Variants in REXO1 observed in about 807,000 individuals in gnomAD.
REXO1 encodes REX1, RNA exonuclease 1 homolog.
REXO1 carries 42 observed loss-of-function variants against 102.6 expected under a neutral mutation model. The ratio of observed to expected loss-of-function variants is 0.41; its 90% CI spans 0.32 to 0.53. The LOEUF (loss-of-function observed/expected upper bound fraction) is 0.53. Among genes scored for constraint, REXO1 ranks in the 20% least tolerant of loss-of-function variants. REXO1 has a pLI of 0.27. For synonymous variants in REXO1, 908 were observed against 779.1 expected, an observed-to-expected ratio of 1.17 and a Z score of -2.76; for missense variants, 1,819 against 1,732.5, an observed-to-expected ratio of 1.05 and a Z score of -0.89.
In REXO1 at chr19:1,840,858, C is replaced by A. The variant is rs564952276; in HGVS notation, c.157+7344G>T. 1.3e-3 allele frequency among the ~76,000 whole-genome samples: 194 copies of A among 152,290 alleles called. 1 individual carries two copies. Among genetic ancestry groups the A allele is most frequent in the African/African-American group, 4.0e-3 (166 of 41,560 alleles). On this transcript the variant is annotated intron_variant, in intron 1 of 15. Transcript: ENST00000170168. ...GCACCAGGACCAGCTCCTGGCTTTA[C>A]AGAGAACACTGAAGTCCTGTGGTGT... is the stretch of plus-strand genomic sequence containing the variant.
rs778404656 is a variant in REXO1, at chr19:1,817,265, A to C, written c.3155T>G (p.Leu1052Arg). Reference sequence around the variant, plus strand: ...GATCCCCGGGTGGGTGTCTCCTGAGAGCTCTTTCTCAAAGGTCTTCACGAA... The same window carrying C: ...GATCCCCGGGTGGGTGTCTCCTGAGCGCTCTTTCTCAAAGGTCTTCACGAA... ...EGFVKTFEKE[L>R]SGDTHPGIYA... The change falls in exon 12 of 16, where the codon CTC becomes CGC. Residue 1052 changes from leucine (L) to arginine (R), a missense_variant. Transcript: ENST00000170168. 6.2e-7 allele frequency: 1 copy of C among 1,613,108 alleles called. No homozygotes were observed. Among genetic ancestry groups the C allele is most frequent in the Non-Finnish European group, 8.5e-7 (1 of 1,180,000 alleles).
At chr19:1,833,913 C>T (rs2011145127) in intron 1 of REXO1, among the ~76,000 whole-genome samples, 1 of 152,190 alleles carries the variant, frequency 6.6e-6, no homozygotes, top group Non-Finnish European at 1.5e-5. Flanking sequence ...ACACTGGTCT[C>T]CCCTCCCAAG....
In REXO1 at chr19:1,815,492, GCA is replaced by G. The variant is rs1158650804; in HGVS notation, c.*572_*573del. On this transcript the variant is annotated 3_prime_UTR_variant, in exon 16 of 16. Transcript: ENST00000170168. The surrounding 1 kb of genome is among the most constrained non-coding windows in gnomAD (Gnocchi z 4.0). Reference sequence around the variant, plus strand: ...CCCCGAAGACCGGCCAGCCCCTGGAGCACAGAGGCGGGTCCAGCCCACACTGC... The same window carrying G: ...CCCCGAAGACCGGCCAGCCCCTGGAGCAGAGGCGGGTCCAGCCCACACTGC... 1 of 199,124 alleles carries G rather than the reference GCA, an allele frequency of 5.0e-6. No individual in the cohort carries two copies. Among genetic ancestry groups the G allele is most frequent in the Non-Finnish European group, 9.6e-6 (1 of 104,184 alleles). The allele number at this position is 199,124 out of a possible 1,614,324, so 12.3% of individuals were successfully genotyped here.
chr19:1,817,637 C>T, intron 11 of REXO1, 70 bp downstream of exon 11: 4 of 1,519,740 alleles, frequency 2.6e-6, no homozygotes, highest in Admixed American at 1.9e-5. Context: ...GTCCCGAGAC[C>T]CCACACCAAC....
At chr19:1,843,937 G>A (rs192245641) in intron 1 of REXO1, among the ~76,000 whole-genome samples, 10 of 152,358 alleles carry the variant, frequency 6.6e-5, no homozygotes, top group African/African-American at 2.2e-4. Context: ...GCAGCGAGGC[G>A]CCATTCTTGG....
intron 1 of REXO1, among the ~76,000 whole-genome samples, chr19:1,842,751 C>T (rs1004035756): frequency 6.6e-5 from 10 of 152,242 alleles, no homozygotes; most frequent in South Asian, 2.1e-4. Flanking sequence ...GCCCGGCAAG[C>T]GGCCTGGTGC....
chr19:1,818,962 C>T, intron 8 of REXO1, 56 bp downstream of exon 8: 1 of 1,570,454 alleles, frequency 6.4e-7, no homozygotes, highest in Non-Finnish European at 8.7e-7. Context: ...ACAGCAGGGG[C>T]TGGGCCGGCA....
At position 1,832,074 on chromosome 19, in the gene REXO1, G is replaced by A. The variant is rs147433236; in HGVS notation, c.158-3443C>T. 4.8e-3 allele frequency among the ~76,000 whole-genome samples: 725 copies of A among 152,194 alleles called. 3 individuals carry two copies. The highest frequency in any genetic ancestry group is 5.8e-3 in the Non-Finnish European group (395 of 67,998). On this transcript the variant is annotated intron_variant, in intron 1 of 15. Transcript: ENST00000170168. ...GGTGGGTGAACATCTTGCATTATCC[G>A]GGAACCCAGTGTCCTCACAGGGTCC...
intron 1 of REXO1, among the ~76,000 whole-genome samples, chr19:1,846,690 G>T (rs907668227): frequency 1.1e-4 from 17 of 152,142 alleles, no homozygotes; most frequent in African/African-American, 4.1e-4. Flanking sequence ...GGAGTTTTGA[G>T]ACAAGCCTGG....
chr19:1,826,085 T>C lies in REXO1; in HGVS notation c.1912-142A>G, dbSNP rs2069711036. On this transcript the variant is annotated intron_variant, in intron 2 of 15. Coordinates refer to ENST00000170168, the MANE Select transcript of REXO1 (RefSeq NM_020695.4). The surrounding 1 kb of genome is among the most constrained non-coding windows in gnomAD (Gnocchi z 4.3). Reference sequence around the variant, plus strand: ...GCAGCTGAGGGCTCAGGGCCAACAGTCCCTGGGCTTTGTGTGGGTGCAGTC... The same window carrying C: ...GCAGCTGAGGGCTCAGGGCCAACAGCCCCTGGGCTTTGTGTGGGTGCAGTC... The C allele has an allele frequency of 1.6e-6, 1 of 629,572 alleles. No homozygotes were observed. Among genetic ancestry groups the C allele is most frequent in the Non-Finnish European group, 2.9e-6 (1 of 346,106 alleles). The allele number at this position is 629,572 out of a possible 1,614,324, so 39.0% of individuals were successfully genotyped here.
At chr19:1,843,260 G>T (rs1011313633) in intron 1 of REXO1, among the ~76,000 whole-genome samples, 4 of 149,840 alleles carry the variant, frequency 2.7e-5, no homozygotes, top group Non-Finnish European at 5.9e-5. Flanking sequence ...TCAACCCCCC[G>T]CCCGGAGGGT....
At chr19:1,836,878 C>T (rs955232623) in intron 1 of REXO1, among the ~76,000 whole-genome samples, 4 of 152,186 alleles carry the variant, frequency 2.6e-5, no homozygotes, top group East Asian at 1.9e-4. Flanking sequence ...CAGTGGGCCC[C>T]GCATGCTGGC....
At chr19:1,825,972 G>T (rs371656369) in intron 2 of REXO1, 29 bp from the exon 3 acceptor site, 36 of 1,544,460 alleles carry the variant, frequency 2.3e-5, no homozygotes, top group African/African-American at 4.1e-5. Flanking sequence ...CGTCAGCACA[G>T]GTCTGCCCTC....
intron 10 of REXO1, 42 bp from the exon 11 acceptor site, chr19:1,817,822 C>T: frequency 6.5e-7 from 1 of 1,546,188 alleles, no homozygotes; most frequent in Non-Finnish European, 8.9e-7. Context: ...CGGCCAGGCC[C>T]ACTCCACAGC....
In REXO1 at chr19:1,827,181, C is replaced by T. The variant is rs761693792; in HGVS notation, c.1608G>A (p.Pro536=). The T allele has an allele frequency of 1.2e-5, 18 of 1,540,954 alleles. No individual in the cohort carries two copies. The highest frequency in any genetic ancestry group is 1.7e-4 in the Middle Eastern group (1 of 6,004). Residue 536 remains proline, a synonymous_variant, in exon 2 of 16, where the codon CCG becomes CCA. Coordinates refer to ENST00000170168, the MANE Select transcript of REXO1 (RefSeq NM_020695.4). ...TGGGGAGGGCAGAGGGCCACACGCT[C>T]GGCACCCCTGGCCCTGCGGCCTCGT... is the stretch of plus-strand genomic sequence containing the variant. ...SEDEAAGPGV[P]SVWPSALPSL...
chr19:1,818,308 G>A (rs184256263), intron 10 of REXO1, among the ~76,000 whole-genome samples, 174 bp downstream of exon 10: 5 of 152,350 alleles, frequency 3.3e-5, no homozygotes, highest in South Asian at 2.1e-4. Flanking sequence ...AACAGGTGGA[G>A]AGAAAATGAG....
At chr19:1,832,103 A>G (rs1232601774) in intron 1 of REXO1, among the ~76,000 whole-genome samples, 1 of 152,152 alleles carries the variant, frequency 6.6e-6, no homozygotes, top group Non-Finnish European at 1.5e-5. Flanking sequence ...AGGGTCCTTT[A>G]AAGAGGGAGG....
In REXO1 at chr19:1,823,655, G is replaced by A; in HGVS notation, c.2147C>T (p.Ala716Val). ...ASLLQAPARL[A>V]EKSPSVHISA... Reference sequence around the variant, plus strand: ...AATGTGGACGGAGGGCGACTTCTCTGCCAGCCTGGCGGGGGCCTGCAGCAA... The same window carrying A: ...AATGTGGACGGAGGGCGACTTCTCTACCAGCCTGGCGGGGGCCTGCAGCAA... Residue 716 changes from alanine to valine, a missense_variant, in exon 4 of 16, where the codon GCA (alanine) becomes GTA (valine). Physicochemically the swap from Ala to Val is moderately conservative, Grantham distance 64. Coordinates refer to ENST00000170168, the MANE Select transcript of REXO1 (RefSeq NM_020695.4). 7.7e-7 allele frequency: 1 copy of A among 1,298,360 alleles called. No homozygotes were observed. Among genetic ancestry groups the A allele is most frequent in the Non-Finnish European group, 9.9e-7 (1 of 1,015,116 alleles). 80.4% of individuals were successfully genotyped at this position (1,298,360 alleles called of 1,614,324 possible). A position where few individuals can be genotyped will look rare whatever the true frequency, so the allele number is the denominator to read the frequency against.
At chr19:1,817,469 G>C in intron 11 of REXO1, 140 bp from the exon 12 acceptor site, 6 of 1,478,134 alleles carry the variant, frequency 4.1e-6, no homozygotes, top group Non-Finnish European at 5.4e-6. Flanking sequence ...CTGGTGAGCA[G>C]GTGGGGAAGG....
Sources: gnomAD v4.1 joint callset for allele counts (sites outside exome capture counted in the v4.1 genomes callset) on GRCh38, gnomAD v4.1.1 for gene constraint, Gnocchi (gnomAD v3.1) non-coding constraint, MANE v1.5 for transcripts, NCBI Gene and HGNC (gene_info 2026-07-23, HGNC 2026-07-21) for gene names.